Variants in TEP1 observed in about 807,000 individuals in gnomAD.
TEP1 encodes the protein telomerase protein component 1.
TEP1 carries 241 observed loss-of-function variants against 306.3 expected under a neutral mutation model. The observed-to-expected ratio is 0.79, with a 90% confidence interval of 0.71 to 0.88. The LOEUF (loss-of-function observed/expected upper bound fraction) is 0.88, where lower values mean the gene tolerates loss of function less well. Ranked by LOEUF, TEP1 falls within the 40% of genes least tolerant of loss-of-function variation. TEP1 has a pLI of 0.00. For missense variants in TEP1, 3,051 were observed against 3,276.1 expected, an observed-to-expected ratio of 0.93 and a Z score of 1.68; for synonymous variants, 1,289 against 1,305.5, an observed-to-expected ratio of 0.99 and a Z score of 0.27.
intron 39 of TEP1, 69 bp from the exon 40 acceptor site, chr14:20,377,822 C>T: frequency 6.3e-7 from 1 of 1,580,250 alleles, no homozygotes; most frequent in South Asian, 1.1e-5. Flanking sequence ...TTTTGAGTTA[C>T]AGCCACCCCC....
chr14:20,412,023 A>G (rs181787527), intron 1 of TEP1, among the ~76,000 whole-genome samples: 27 of 152,328 alleles, frequency 1.8e-4, no homozygotes, highest in Admixed American at 1.3e-3. Context: ...TATTTTGGGA[A>G]TAATATTGTT....
chr14:20,386,201 G>A lies in TEP1; in HGVS notation c.2862-6C>T, dbSNP rs767820333. On this transcript the variant is annotated splice_region_variant and splice_polypyrimidine_tract_variant and intron_variant, in intron 19 of 54. Transcript: ENST00000262715. ...CAAGGCACACTTCCAGTTGTCTGTAGGCATGATGATAGGGACGTGTGGGAG... is the reference window on the plus strand; with the variant it reads ...CAAGGCACACTTCCAGTTGTCTGTAAGCATGATGATAGGGACGTGTGGGAG... 3 of 1,613,864 alleles carry A rather than the reference G, an allele frequency of 1.9e-6. No individual in the cohort carries two copies. The highest frequency in any genetic ancestry group is 2.7e-5 in the African/African-American group (2 of 74,912).
At chr14:20,398,515 A>G (rs984554136) in intron 9 of TEP1, among the ~76,000 whole-genome samples, 3 of 152,048 alleles carry the variant, frequency 2.0e-5, no homozygotes, top group African/African-American at 7.3e-5. Context: ...TTAAAAAAAA[A>G]AAAGAGTGAA....
intron 41 of TEP1, 113 bp from the exon 42 acceptor site, chr14:20,376,377 G>C: frequency 9.0e-7 from 1 of 1,114,662 alleles, no homozygotes; most frequent in Non-Finnish European, 1.3e-6. Flanking sequence ...CTGAGGCTCA[G>C]CTCCATGGGA....
chr14:20,380,362 G>C lies in TEP1; in HGVS notation c.4876C>G (p.Gln1626Glu). 1.2e-6 allele frequency: 2 copies of C among 1,614,218 alleles called. No individual in the cohort carries two copies. The change falls in exon 34 of 55, where the codon CAG becomes GAG. Residue 1626 changes from glutamine to glutamate, a missense_variant. Physicochemically the swap from Gln to Glu is conservative, Grantham distance 29 (BLOSUM62 2). Around this residue, in one of 3 missense-constraint regions of TEP1, gnomAD observed 1,540 missense variants for 1,705.9 expected, o/e 0.90. Coordinates refer to ENST00000262715, the MANE Select transcript of TEP1 (RefSeq NM_007110.5). ...ILSQYPRLLPQQAANQPLDSP... is the reference protein window; with the variant it reads ...ILSQYPRLLPEQAANQPLDSP... ...TCCAGGGGCTGGTTGGCTGCCTGCT[G>C]GGGCAGGAGCCGGGGGTACTGGCTG...
intron 7 of TEP1, among the ~76,000 whole-genome samples, chr14:20,403,040 C>T (rs1269819910): frequency 6.6e-6 from 1 of 151,924 alleles, no homozygotes; most frequent in Admixed American, 6.6e-5. Context: ...GCCTGTAGTC[C>T]CAGCTATTCA....
At chr14:20,407,273 CCTAA>C (rs1879248226) in intron 2 of TEP1, among the ~76,000 whole-genome samples, 1 of 152,182 alleles carries the variant, frequency 6.6e-6, no homozygotes, top group African/African-American at 2.4e-5. Flanking sequence ...CTCAAAAGCA[CCTAA>C]CTGACTCTGC....
Position 20,378,807 on chromosome 14 carries a change from G to A in TEP1, c.5299C>T (p.Leu1767=), listed in dbSNP as rs771702112. ...AHQYQITGCC[L]SPDCRLLATV... is the part of the protein sequence containing the mutation. ...GCTAGCAGCCGGCAGTCTGGGCTCA[G>A]GCAGCAGCCAGTGATTTGGTACTGG... The change falls in exon 37 of 55, where the codon CTG becomes TTG. Residue 1767 remains leucine, a synonymous_variant. Coordinates refer to ENST00000262715, the MANE Select transcript of TEP1 (RefSeq NM_007110.5). 1.9e-6 allele frequency: 3 copies of A among 1,614,222 alleles called. No individual in the cohort carries two copies. In the Admixed American group the frequency reaches 5.0e-5, roughly 27 times the overall value.
Position 20,378,392 on chromosome 14 carries a change from G to A in TEP1, c.5496C>T (p.Leu1832=), listed in dbSNP as rs200962331. Residue 1832 remains leucine, a synonymous_variant, in exon 38 of 55, where the codon CTC becomes CTT. Coordinates refer to ENST00000262715, the MANE Select transcript of TEP1 (RefSeq NM_007110.5). ...GSISFFQVDG[L]KVTKDLGAPG... ...TGGACCTTCTTACCTTGGTGACTTT[G>A]AGCCCATCCACCTGGAAGAAGCTGA... 2 of 1,614,242 alleles carry A rather than the reference G, an allele frequency of 1.2e-6. No homozygotes were observed. The highest frequency in any genetic ancestry group is 1.7e-5 in the Admixed American group (1 of 60,030).
At chr14:20,390,082 T>C (rs945047474) in intron 15 of TEP1, among the ~76,000 whole-genome samples, 2 of 152,092 alleles carry the variant, frequency 1.3e-5, no homozygotes, top group African/African-American at 2.4e-5. Flanking sequence ...AAAACAAATG[T>C]GGCTGGGCAT....
intron 14 of TEP1, 83 bp from the exon 15 acceptor site, chr14:20,390,841 A>C (rs1877643247): frequency 6.2e-7 from 1 of 1,612,756 alleles, no homozygotes; most frequent in African/African-American, 1.3e-5. Flanking sequence ...GGAAATCTTC[A>C]GAACTGTGTA....
intron 9 of TEP1, among the ~76,000 whole-genome samples, chr14:20,400,497 C>CAAAAAAAAAAAAAAAAAAAAAAAACA (rs1878594167): frequency 1.2e-5 from 1 of 85,470 alleles, no homozygotes; most frequent in Admixed American, 1.3e-4. Context: ...AAAAGTAGAC[C>CAAAAAAAAAAAAAAAAAAAAAAAACA]AAAAAAAAAA....
chr14:20,390,279 A>G (rs1877575667), intron 15 of TEP1, among the ~76,000 whole-genome samples: 2 of 152,230 alleles, frequency 1.3e-5, no homozygotes, highest in Admixed American at 1.3e-4. Context: ...CTCAAAATGT[A>G]TAACTTCCTA....
In TEP1 at chr14:20,381,499, C is replaced by A; in HGVS notation, c.4558+54G>T. 1 of 1,612,620 alleles carries A rather than the reference C, an allele frequency of 6.2e-7. No individual in the cohort carries two copies. The highest frequency in any genetic ancestry group is 8.5e-7 in the Non-Finnish European group (1 of 1,179,964). Reference sequence around the variant, plus strand: ...ATGGGAGCACAGTGGGTGGTCCTGGCCTCCAGGCCCAAGCCCCACACTCAG... The same window carrying A: ...ATGGGAGCACAGTGGGTGGTCCTGGACTCCAGGCCCAAGCCCCACACTCAG... On this transcript the variant is annotated intron_variant, in intron 31 of 54. Transcript: ENST00000262715. The surrounding 1 kb of genome is among the most constrained non-coding windows in gnomAD (Gnocchi z 4.0).
chr14:20,368,764 G>A (rs75264494), intron 54 of TEP1, 34 bp downstream of exon 54: 669 of 1,342,830 alleles, frequency 5.0e-4, no homozygotes, highest in Non-Finnish European at 5.0e-4. Context: ...GCAGGCGCAC[G>A]CACACACACA....
intron 9 of TEP1, among the ~76,000 whole-genome samples, chr14:20,399,832 A>G (rs1878521409): frequency 6.6e-6 from 1 of 152,066 alleles, no homozygotes; most frequent in African/African-American, 2.4e-5. Context: ...GTGGTTCTCA[A>G]CCAGAGGGAG....
At position 20,383,218 on chromosome 14, in the gene TEP1, C is replaced by A; in HGVS notation, c.4003G>T (p.Ala1335Ser). 1.2e-6 allele frequency: 2 copies of A among 1,613,524 alleles called. No individual in the cohort carries two copies. The highest frequency in any genetic ancestry group is 1.7e-6 in the Non-Finnish European group (2 of 1,179,790). The change falls in exon 27 of 55, where the codon GCC (alanine) becomes TCC (serine). Residue 1335 changes from alanine (A) to serine (S), a missense_variant. Ala to Ser is a moderately conservative substitution (Grantham distance 99). Coordinates refer to ENST00000262715, the MANE Select transcript of TEP1 (RefSeq NM_007110.5). ...ARARLVREEL[A>S]LYGKRLEESP... ...TCCTCCAGCCGCTTCCCGTACAGGGCCAGCTCCTCTCTCACCAGCCGGGCC... is the reference window on the plus strand; with the variant it reads ...TCCTCCAGCCGCTTCCCGTACAGGGACAGCTCCTCTCTCACCAGCCGGGCC...
rs1566454223 is a variant in TEP1, at chr14:20,382,307, T to G, written c.4190A>C (p.Gln1397Pro). The G allele has an allele frequency of 6.2e-7, 1 of 1,613,816 alleles. No homozygotes were observed. The highest frequency in any genetic ancestry group is 8.5e-7 in the Non-Finnish European group (1 of 1,179,884). Residue 1397 changes from glutamine to proline, a missense_variant, in exon 29 of 55, where the codon CAG becomes CCG. Transcript: ENST00000262715. ...TLPATVPLLL[Q>P]HILSTLEKEH... ...CTTCTCCAGTGTGCTCAGGATGTGC[T>G]GCAGCAGCAGGGGGACAGTGGCAGG... is the stretch of plus-strand genomic sequence containing the variant.
At chr14:20,402,063 T>C (rs2139175939) in intron 7 of TEP1, among the ~76,000 whole-genome samples, 1 of 152,244 alleles carries the variant, frequency 6.6e-6, no homozygotes, top group East Asian at 1.9e-4. Flanking sequence ...ATCATTTGAA[T>C]CCCAGCTACT....
Sources: gnomAD v4.1 joint callset for allele counts (sites outside exome capture counted in the v4.1 genomes callset) on GRCh38, gnomAD v4.1.1 for gene constraint, gnomAD v4.1.1 regional missense constraint, Gnocchi (gnomAD v3.1) non-coding constraint, MANE v1.5 for transcripts, NCBI Gene and HGNC (gene_info 2026-07-23, HGNC 2026-07-21) for gene names.